Variants in TSHZ2 observed in about 807,000 individuals in gnomAD.
TSHZ2 encodes teashirt zinc finger homeobox 2.
TSHZ2 carries 21 observed loss-of-function variants against 74.4 expected under a neutral mutation model. That is an observed-to-expected ratio of 0.28 (90% CI 0.20 to 0.41). The LOEUF (loss-of-function observed/expected upper bound fraction) is 0.41, where lower values mean the gene tolerates loss of function less well. Ranked by LOEUF, TSHZ2 falls within the 10% of genes least tolerant of loss-of-function variation. TSHZ2 has a pLI of 1.00. For missense variants in TSHZ2, 1,244 were observed against 1,293.5 expected, an observed-to-expected ratio of 0.96 and a Z score of 0.59; for synonymous variants, 540 against 515.3, an observed-to-expected ratio of 1.05 and a Z score of -0.65.
intron 1 of TSHZ2, among the ~76,000 whole-genome samples, chr20:52,985,495 AC>A (rs973725979): frequency 2.6e-5 from 4 of 151,948 alleles, no homozygotes; most frequent in African/African-American, 9.7e-5. Context: ...GGATAATAAA[AC>A]CCCCTTCTGG....
chr20:53,077,835 C>T (rs528413967), intron 1 of TSHZ2, among the ~76,000 whole-genome samples: 1 of 152,238 alleles, frequency 6.6e-6, no homozygotes, highest in Non-Finnish European at 1.5e-5. Context: ...CTGATAGTCA[C>T]TTGCAAAGAT....
At chr20:53,214,811 G>A (rs1371797263) in intron 1 of TSHZ2, among the ~76,000 whole-genome samples, 1 of 152,174 alleles carries the variant, frequency 6.6e-6, no homozygotes, top group Non-Finnish European at 1.5e-5. Flanking sequence ...CCTGTGCTTA[G>A]TAAGCACTCA....
chr20:53,262,009 G>T (rs558864812), intron 2 of TSHZ2, among the ~76,000 whole-genome samples: 3 of 152,302 alleles, frequency 2.0e-5, no homozygotes, highest in African/African-American at 7.2e-5. Context: ...GCTGCTCTCT[G>T]TGAGGATCTT....
At chr20:53,334,209 T>C (rs1486374232) in intron 2 of TSHZ2, among the ~76,000 whole-genome samples, 1 of 152,126 alleles carries the variant, frequency 6.6e-6, no homozygotes, top group Non-Finnish European at 1.5e-5. Context: ...ATGTATCAGA[T>C]AGTAAGCCCT....
intron 1 of TSHZ2, among the ~76,000 whole-genome samples, chr20:53,028,795 C>T (rs1317887552): frequency 6.6e-6 from 1 of 152,140 alleles, no homozygotes; most frequent in Non-Finnish European, 1.5e-5. Context: ...CTGGAGATTA[C>T]ACCATCTTCT....
chr20:52,995,939 A>C (rs779386682), intron 1 of TSHZ2, among the ~76,000 whole-genome samples: 2 of 152,048 alleles, frequency 1.3e-5, no homozygotes, highest in Non-Finnish European at 2.9e-5. Flanking sequence ...TTTACTTTCT[A>C]TCTGATCGTA....
intron 1 of TSHZ2, among the ~76,000 whole-genome samples, chr20:53,150,612 A>G (rs1987652145): frequency 6.6e-6 from 1 of 151,982 alleles, no homozygotes; most frequent in South Asian, 2.1e-4. Flanking sequence ...AATCAACTAC[A>G]GGAAAATAAA....
At chr20:53,333,702 C>T (rs1483216012) in intron 2 of TSHZ2, among the ~76,000 whole-genome samples, 1 of 152,142 alleles carries the variant, frequency 6.6e-6, no homozygotes. Context: ...ATGATCCACC[C>T]GCCTTGGCCT....
At chr20:53,177,211 C>T (rs953855497) in intron 1 of TSHZ2, among the ~76,000 whole-genome samples, 1 of 152,140 alleles carries the variant, frequency 6.6e-6, no homozygotes, top group African/African-American at 2.4e-5. Flanking sequence ...AACCTACCTG[C>T]CTTACCAGGG....
At chr20:53,122,809 T>G (rs1279056470) in intron 1 of TSHZ2, among the ~76,000 whole-genome samples, 1 of 152,306 alleles carries the variant, frequency 6.6e-6, no homozygotes, top group East Asian at 1.9e-4. Flanking sequence ...CCAGCCAAAG[T>G]GGACTCTCTT....
Position 52,972,870 on chromosome 20 carries a change from G to A in TSHZ2, c.-424G>A, listed in dbSNP as rs1264436870. 2 of 225,890 alleles carry A rather than the reference G, an allele frequency of 8.9e-6. No individual in the cohort carries two copies. The highest frequency in any genetic ancestry group is 1.7e-5 in the Non-Finnish European group (2 of 118,282). The allele number at this position is 225,890 out of a possible 1,614,324, so 14.0% of individuals were successfully genotyped here. A position where few individuals can be genotyped will look rare whatever the true frequency, so the allele number is the denominator to read the frequency against. ...TTACGCGCGAGTGTGCCTGTGGCGC[G>A]TGTGCGCCCCTCGTCCCTTCCATCC... is the stretch of plus-strand genomic sequence containing the variant. On this transcript the variant is annotated 5_prime_UTR_variant, in exon 1 of 3. It adds an upstream start codon to the 5' untranslated region. Coordinates refer to ENST00000371497, the MANE Select transcript of TSHZ2 (RefSeq NM_173485.6).
At chr20:53,107,107 G>C (rs1269072563) in intron 1 of TSHZ2, among the ~76,000 whole-genome samples, 1 of 152,108 alleles carries the variant, frequency 6.6e-6, no homozygotes, top group East Asian at 1.9e-4. Flanking sequence ...CCCAGAACAG[G>C]CCCTAGAATA....
intron 2 of TSHZ2, among the ~76,000 whole-genome samples, chr20:53,401,825 G>T (rs60070321): frequency 7.6e-6 from 1 of 131,944 alleles, no homozygotes; most frequent in Non-Finnish European, 1.6e-5. Context: ...CTCTGTTGCC[G>T]AGGCTGGAGT....
chr20:53,462,538 A>G (rs1193310258), intron 2 of TSHZ2, among the ~76,000 whole-genome samples: 4 of 152,200 alleles, frequency 2.6e-5, no homozygotes, highest in Admixed American at 2.0e-4. Flanking sequence ...CTTCAGAAGG[A>G]GCAGCTTGTA....
chr20:53,116,904 A>G (rs1411140315), intron 1 of TSHZ2, among the ~76,000 whole-genome samples: 1 of 152,152 alleles, frequency 6.6e-6, no homozygotes, highest in Non-Finnish European at 1.5e-5. Flanking sequence ...GCAAGTTTAA[A>G]TATTCCAGAG....
chr20:53,142,219 A>G (rs1987417885), intron 1 of TSHZ2, among the ~76,000 whole-genome samples: 1 of 152,186 alleles, frequency 6.6e-6, no homozygotes. Context: ...GGCCAGGTGC[A>G]AGGGTTAAGG....
intron 2 of TSHZ2, among the ~76,000 whole-genome samples, chr20:53,356,673 A>T (rs1198375738): frequency 6.6e-6 from 1 of 152,134 alleles, no homozygotes; most frequent in East Asian, 1.9e-4. Flanking sequence ...TGTCTTATGC[A>T]TGTCCATTTT....
At chr20:53,076,733 G>C (rs768827202) in intron 1 of TSHZ2, among the ~76,000 whole-genome samples, 1 of 152,196 alleles carries the variant, frequency 6.6e-6, no homozygotes, top group African/African-American at 2.4e-5. Flanking sequence ...GACAACATGA[G>C]GCAGGAAGAT....
At chr20:53,476,307 C>T (rs1985991383) in intron 2 of TSHZ2, among the ~76,000 whole-genome samples, 2 of 140,836 alleles carry the variant, frequency 1.4e-5, no homozygotes, top group Admixed American at 1.4e-4. Context: ...AAAGCTTATC[C>T]ACCATGATCA....
Sources: gnomAD v4.1 joint callset for allele counts (sites outside exome capture counted in the v4.1 genomes callset) on GRCh38, gnomAD v4.1.1 for gene constraint, MANE v1.5 for transcripts, NCBI Gene and HGNC (gene_info 2026-07-23, HGNC 2026-07-21) for gene names.